Variants in NTF3 observed in about 807,000 individuals in gnomAD.
The protein encoded by NTF3 is neurotrophin 3, also known as neurotrophin-3.
NTF3 carries 8 observed loss-of-function variants against 26.3 expected under a neutral mutation model. The observed-to-expected ratio is 0.30, with a 90% confidence interval of 0.18 to 0.55. The LOEUF (loss-of-function observed/expected upper bound fraction) is 0.55, where lower values mean the gene tolerates loss of function less well. NTF3 is among the 20% of genes least tolerant of loss of function. The pLI is 0.93. For missense variants in NTF3, 276 were observed against 352.9 expected, an observed-to-expected ratio of 0.78 and a Z score of 1.75; for synonymous variants, 154 against 145.5, an observed-to-expected ratio of 1.06 and a Z score of -0.42.
intron 1 of NTF3, among the ~76,000 whole-genome samples, chr12:5,458,148 G>A (rs1223086107): frequency 6.6e-6 from 1 of 152,110 alleles, no homozygotes; most frequent in East Asian, 1.9e-4. Context: ...GGGTTTTGCT[G>A]TTTTTGTTTC....
At chr12:5,440,420 A>G (rs1277119684) in intron 1 of NTF3, among the ~76,000 whole-genome samples, 1 of 152,208 alleles carries the variant, frequency 6.6e-6, no homozygotes, top group Non-Finnish European at 1.5e-5. Context: ...GCATTTAAAA[A>G]TATCCTTCTC....
chr12:5,474,405 A>G (rs1269308830), intron 1 of NTF3, among the ~76,000 whole-genome samples: 2 of 152,180 alleles, frequency 1.3e-5, no homozygotes, highest in Non-Finnish European at 2.9e-5. Context: ...AAAGGGAGAA[A>G]TTGCCTTCCT....
chr12:5,471,157 A>G (rs1020459454), intron 1 of NTF3, among the ~76,000 whole-genome samples: 2 of 152,158 alleles, frequency 1.3e-5, no homozygotes, highest in Non-Finnish European at 2.9e-5. Flanking sequence ...TTCTAACACT[A>G]GAAATTCCTC....
At chr12:5,483,929 C>T (rs1355791470) in intron 1 of NTF3, among the ~76,000 whole-genome samples, 1 of 152,198 alleles carries the variant, frequency 6.6e-6, no homozygotes, top group East Asian at 1.9e-4. Context: ...TACACAGACA[C>T]TTGTGAAAGG....
chr12:5,446,090 T>A (rs112708888), intron 1 of NTF3, among the ~76,000 whole-genome samples: 43 of 152,028 alleles, frequency 2.8e-4, no homozygotes, highest in African/African-American at 1.0e-3. Context: ...TCATCGTAGT[T>A]CCCCTGACAG....
chr12:5,494,715 C>A lies in NTF3; in HGVS notation c.540C>A (p.Asp180Glu). ...TGACCGACAAGTCATCGGCCATCGA[C>A]ATTCGGGGACACCAGGTCACGGTGC... ...LWVTDKSSAI[D>E]IRGHQVTVLG... Residue 180 changes from aspartate to glutamate, a missense_variant, in exon 2 of 2, where the codon GAC becomes GAA. Around this residue, in one of 3 missense-constraint regions of NTF3, gnomAD observed 221 missense variants for 258.2 expected, o/e 0.86. Coordinates refer to ENST00000423158, the MANE Select transcript of NTF3 (RefSeq NM_001102654.2). This position sits in a 1 kb window ranked among gnomAD's most constrained non-coding sequence, Gnocchi z 8.3. 6.2e-7 allele frequency: 1 copy of A among 1,614,178 alleles called. No homozygotes were observed. The highest frequency in any genetic ancestry group is 1.1e-5 in the South Asian group (1 of 91,076).
chr12:5,491,494 T>A (rs1176219914), intron 1 of NTF3, among the ~76,000 whole-genome samples: 2 of 151,998 alleles, frequency 1.3e-5, no homozygotes, highest in African/African-American at 4.8e-5. Context: ...ATCGTTGGGA[T>A]CTTGGGGGAG....
Position 5,432,238 on chromosome 12 carries a change from G to A in NTF3, c.-87G>A. 4.2e-6 allele frequency: 6 copies of A among 1,433,528 alleles called. No homozygotes were observed. The Admixed American group carries it at 5.1e-5, about 12-fold the overall frequency. The allele number at this position is 1,433,528 out of a possible 1,614,324, so 88.8% of individuals were successfully genotyped here. A position where few individuals can be genotyped will look rare whatever the true frequency, so the allele number is the denominator to read the frequency against. On this transcript the variant is annotated 5_prime_UTR_variant, in exon 1 of 2. Transcript: ENST00000423158. ...TTTTCCCCTGCTGGGTAGTGGCTGCGGCGGGGTGGGGGAGACTTTGAATGA... is the reference window on the plus strand; with the variant it reads ...TTTTCCCCTGCTGGGTAGTGGCTGCAGCGGGGTGGGGGAGACTTTGAATGA...
chr12:5,466,225 C>A (rs774883066), intron 1 of NTF3, among the ~76,000 whole-genome samples: 5 of 152,206 alleles, frequency 3.3e-5, no homozygotes, highest in Admixed American at 6.5e-5. Flanking sequence ...CATGACCTCT[C>A]AGTGTCATTT....
At chr12:5,481,369 C>T (rs1363653146) in intron 1 of NTF3, among the ~76,000 whole-genome samples, 2 of 120,656 alleles carry the variant, frequency 1.7e-5, no homozygotes, top group South Asian at 5.4e-4. Flanking sequence ...TACATACACA[C>T]GCAGACACAC....
chr12:5,494,191 C>A lies in NTF3; in HGVS notation c.19-3C>A. ...GCTCTTAACACCTGTGTTTCCTTTT[C>A]AGATCTTACAGGTGAACAAGGTGAT... On this transcript the variant is annotated splice_region_variant and splice_polypyrimidine_tract_variant and intron_variant, in intron 1 of 1. Transcript: ENST00000423158. This position sits in a 1 kb window ranked among gnomAD's most constrained non-coding sequence, Gnocchi z 8.3. The A allele has an allele frequency of 1.9e-6, 3 of 1,611,368 alleles. No individual in the cohort carries two copies. The highest frequency in any genetic ancestry group is 2.5e-6 in the Non-Finnish European group (3 of 1,179,384).
At chr12:5,490,591 G>A (rs183322355) in intron 1 of NTF3, among the ~76,000 whole-genome samples, 9 of 152,256 alleles carry the variant, frequency 5.9e-5, no homozygotes, top group South Asian at 2.1e-4. Flanking sequence ...CTCCCACCCC[G>A]GACATGGAGT....
chr12:5,476,876 C>T (rs1341804736), intron 1 of NTF3, among the ~76,000 whole-genome samples: 1 of 152,188 alleles, frequency 6.6e-6, no homozygotes, highest in South Asian at 2.1e-4. Flanking sequence ...TAAACCATCC[C>T]GCCTATAATG....
At chr12:5,438,224 G>T (rs530508567) in intron 1 of NTF3, among the ~76,000 whole-genome samples, 1 of 151,846 alleles carries the variant, frequency 6.6e-6, no homozygotes, top group Non-Finnish European at 1.5e-5. Flanking sequence ...GATGGCCCCA[G>T]AGCGTTAAAG....
rs1330922540 is a variant in NTF3 at position 5,432,111 on chromosome 12, C to CA, written c.-213dup. On this transcript the variant is annotated 5_prime_UTR_variant, in exon 1 of 2. Coordinates refer to ENST00000423158, the MANE Select transcript of NTF3 (RefSeq NM_001102654.2). ...CCGCGCAGATTCTGTTCACGGGACTCAGAGTTGAAGCTCCTCTCCCTTCCG... is the reference window on the plus strand; with the variant it reads ...CCGCGCAGATTCTGTTCACGGGACTCAAGAGTTGAAGCTCCTCTCCCTTCCG... 5 of 633,330 alleles carry CA rather than the reference C, an allele frequency of 7.9e-6. No individual in the cohort carries two copies. The highest frequency in any genetic ancestry group is 1.4e-5 in the Non-Finnish European group (5 of 348,768). 39.2% of individuals were successfully genotyped at this position (633,330 alleles called of 1,614,324 possible). A position where few individuals can be genotyped will look rare whatever the true frequency, so the allele number is the denominator to read the frequency against.
intron 1 of NTF3, among the ~76,000 whole-genome samples, chr12:5,441,763 C>T (rs1162275564): frequency 1.3e-5 from 2 of 152,228 alleles, no homozygotes; most frequent in Admixed American, 6.5e-5. Flanking sequence ...AGAGGCAGTG[C>T]ACCTTGCCAG....
chr12:5,469,013 G>C (rs1940629635), intron 1 of NTF3, among the ~76,000 whole-genome samples: 1 of 152,064 alleles, frequency 6.6e-6, no homozygotes, highest in Non-Finnish European at 1.5e-5. Context: ...CCCAGCTACT[G>C]GGGAGGCTGA....
upstream of NTF3, among the ~76,000 whole-genome samples, chr12:5,430,736 G>A (rs918826344): frequency 1.3e-5 from 2 of 151,908 alleles, no homozygotes; most frequent in African/African-American, 4.8e-5. Flanking sequence ...TAACCGAAAC[G>A]CGGAACGGCT....
intron 1 of NTF3, among the ~76,000 whole-genome samples, chr12:5,451,973 G>A (rs990753573): frequency 1.6e-4 from 24 of 152,266 alleles, no homozygotes; most frequent in South Asian, 4.1e-4. Flanking sequence ...GATTACAGGC[G>A]TGAGCGACCA....
Sources: allele counts gnomAD v4.1 joint callset (sites outside exome capture counted in the v4.1 genomes callset), GRCh38; gene constraint gnomAD v4.1.1; regional missense constraint gnomAD v4.1.1; non-coding constraint Gnocchi (gnomAD v3.1); transcripts MANE v1.5; gene names NCBI Gene and HGNC (gene_info 2026-07-23, HGNC 2026-07-21).